ATP2B4: variants seen among roughly 807,000 people sequenced by gnomAD.
ATP2B4 encodes the protein ATPase plasma membrane Ca2+ transporting 4, also known as plasma membrane calcium-transporting ATPase 4.
Under a neutral mutation model 110.3 loss-of-function variants are expected in ATP2B4, and 39 were observed. That is an observed-to-expected ratio of 0.35 (90% CI 0.27 to 0.46). ATP2B4 has a LOEUF of 0.46. ATP2B4 is among the 20% of genes least tolerant of loss of function. The pLI is 1.00. For missense variants in ATP2B4, 1,135 were observed against 1,530.9 expected, an observed-to-expected ratio of 0.74 and a Z score of 4.32; for synonymous variants, 538 against 571.7, an observed-to-expected ratio of 0.94 and a Z score of 0.84.
intron 1 of ATP2B4, chr1:203,657,034 C>T: frequency 1.3e-6 from 1 of 775,868 alleles, no homozygotes; most frequent in South Asian, 1.5e-5. Context: ...AGCATATTTT[C>T]TCCAAATAAC....
intron 1 of ATP2B4, among the ~76,000 whole-genome samples, chr1:203,636,051 C>G (rs571455505): frequency 6.6e-6 from 1 of 152,332 alleles, no homozygotes; most frequent in Admixed American, 6.5e-5. Context: ...GCTGAGGGAA[C>G]CTGGGGACTG....
chr1:203,676,696 CATGAGACG>C (rs1347189288), intron 1 of ATP2B4, among the ~76,000 whole-genome samples: 3 of 152,118 alleles, frequency 2.0e-5, no homozygotes, highest in Non-Finnish European at 4.4e-5. Context: ...AGGCCAAGAG[CATGAGACG>C]ACTGAGTGGA....
chr1:203,727,592 C>G, intron 20 of ATP2B4, 21 bp downstream of exon 20: 3 of 1,611,500 alleles, frequency 1.9e-6, no homozygotes, highest in Non-Finnish European at 2.5e-6. Flanking sequence ...AGTGGTCTGT[C>G]CTTCCCTTGG....
chr1:203,627,083 G>GGCC lies in ATP2B4; in HGVS notation c.-601_-600insGCC, dbSNP rs1468687028. 8.5e-5 allele frequency: 13 copies of GGCC among 152,270 alleles called. No individual in the cohort carries two copies. Among genetic ancestry groups the GGCC allele is most frequent in the African/African-American group, 3.1e-4 (13 of 41,464 alleles). 9.4% of individuals were successfully genotyped at this position (152,270 alleles called of 1,614,324 possible). ...TCCCCGGCCTTAGCCAGAAAGGCAA[G>GGCC]AGAGCAAAGCCAGCGTCTCTAGCTT... On this transcript the variant is annotated 5_prime_UTR_variant, in exon 1 of 21. Coordinates refer to ENST00000357681, the MANE Select transcript of ATP2B4 (RefSeq NM_001684.5).
chr1:203,631,794 G>GTT (rs1558007069), intron 1 of ATP2B4, among the ~76,000 whole-genome samples: 1 of 152,128 alleles, frequency 6.6e-6, no homozygotes, highest in African/African-American at 2.4e-5. Context: ...ATTTTTGTTT[G>GTT]TTTGTTTGTT....
Position 203,699,848 on chromosome 1 carries a change from G to T in ATP2B4, c.649+131G>T, listed in dbSNP as rs548275433. On this transcript the variant is annotated intron_variant, in intron 4 of 20. Coordinates refer to ENST00000357681, the MANE Select transcript of ATP2B4 (RefSeq NM_001684.5). The stretch of plus-strand genomic sequence containing the variant: ...GATCCAAAATTGTATTCACTTCTAG[G>T]TTAGAGTTTAAAGAGGTTGTGGGAA... 2.1e-6 allele frequency: 3 copies of T among 1,451,168 alleles called. No homozygotes were observed. In the South Asian group the frequency reaches 4.1e-5, roughly 20 times the overall value. The allele number at this position is 1,451,168 out of a possible 1,614,324, so 89.9% of individuals were successfully genotyped here. A position where few individuals can be genotyped will look rare whatever the true frequency, so the allele number is the denominator to read the frequency against.
chr1:203,724,213 G>A (rs1416256250), intron 19 of ATP2B4, among the ~76,000 whole-genome samples: 1 of 152,116 alleles, frequency 6.6e-6, no homozygotes, highest in African/African-American at 2.4e-5. Flanking sequence ...ACTAAGCCTG[G>A]AGGTAGAAAA....
chr1:203,722,398 A>G, intron 17 of ATP2B4, 80 bp from the exon 18 acceptor site: 1 of 1,115,262 alleles, frequency 9.0e-7, no homozygotes, highest in Non-Finnish European at 1.4e-6. Flanking sequence ...GCCATAAGCA[A>G]GCAGTATATC....
chr1:203,648,091 C>T (rs555457398), intron 1 of ATP2B4, among the ~76,000 whole-genome samples: 1 of 152,072 alleles, frequency 6.6e-6, no homozygotes, highest in Non-Finnish European at 1.5e-5. Context: ...TAAATAAAGC[C>T]CCCTGTAAAT....
rs917796482 is a variant in ATP2B4 at position 203,683,412 on chromosome 1, C to G, written c.193+14C>G. 4 of 1,588,096 alleles carry G rather than the reference C, an allele frequency of 2.5e-6. No individual in the cohort carries two copies. The African/African-American group carries it at 5.4e-5, about 21-fold the overall frequency. ...CCCCTGTGGAAGGTAAAGGCCATATCAGGGGTGGGGAGTTGGAGGAAGGTG... is the reference window on the plus strand; with the variant it reads ...CCCCTGTGGAAGGTAAAGGCCATATGAGGGGTGGGGAGTTGGAGGAAGGTG... On this transcript the variant is annotated intron_variant, in intron 2 of 20. Coordinates refer to ENST00000357681, the MANE Select transcript of ATP2B4 (RefSeq NM_001684.5).
At chr1:203,660,924 AC>A (rs1664320665) in intron 1 of ATP2B4, among the ~76,000 whole-genome samples, 1 of 151,966 alleles carries the variant, frequency 6.6e-6, no homozygotes, top group Admixed American at 6.6e-5. Context: ...CAGCTTGGCA[AC>A]ATGGTGAAAC....
rs1267960141 is a variant in ATP2B4, at chr1:203,687,302, AAAAAG to A, written c.193+3917_193+3921del. Among the ~76,000 whole-genome samples the A allele has an allele frequency of 4.0e-3, 606 of 152,262 alleles. 2 individuals carry two copies. The highest frequency in any genetic ancestry group is 0.014 in the African/African-American group (564 of 41,558). ...GAAAAGAAAGGAAGAAAGAAAGAAA[AAAAAG>A]AAAAGAAAAGAAGATATAGAACAGC... On this transcript the variant is annotated intron_variant, in intron 2 of 20. Transcript: ENST00000357681.
intron 15 of ATP2B4, among the ~76,000 whole-genome samples, chr1:203,715,829 G>A (rs1390547464): frequency 6.9e-6 from 1 of 143,964 alleles, no homozygotes; most frequent in African/African-American, 2.5e-5. Flanking sequence ...CATCTGTTAA[G>A]TCTCTTAACC....
chr1:203,686,685 CTTTTTTTTTTTTTTTTT>C (rs779048789), intron 2 of ATP2B4, among the ~76,000 whole-genome samples: 1 of 42,776 alleles, frequency 2.3e-5, no homozygotes. Context: ...TCTTTTCTTT[CTTTTTTTTTTTTTTTTT>C]TTTTTTTTTA....
At chr1:203,725,904 C>CTTTTTTTTTTTT (rs756184004) in intron 19 of ATP2B4, among the ~76,000 whole-genome samples, 45 of 93,350 alleles carry the variant, frequency 4.8e-4, no homozygotes, top group Admixed American at 7.6e-4. Flanking sequence ...CTTTTCTTTT[C>CTTTTTTTTTTTT]TTTTTTTTTT....
intron 1 of ATP2B4, among the ~76,000 whole-genome samples, chr1:203,670,919 G>A (rs1664642869): frequency 6.6e-6 from 1 of 152,188 alleles, no homozygotes; most frequent in Non-Finnish European, 1.5e-5. Context: ...AGCCATGGTG[G>A]CATCTGGGAG....
chr1:203,637,435 CA>C (rs57493948), intron 1 of ATP2B4, among the ~76,000 whole-genome samples: 3,625 of 89,054 alleles, frequency 0.041, 34 homozygotes, highest in African/African-American at 0.077. Context: ...GACTCTGTCT[CA>C]AAAAAAAAAA....
At chr1:203,727,117 G>T (rs1666548119) in intron 19 of ATP2B4, among the ~76,000 whole-genome samples, 1 of 152,194 alleles carries the variant, frequency 6.6e-6, no homozygotes, top group African/African-American at 2.4e-5. Context: ...AGAGGAAAAT[G>T]AAGTATATGA....
intron 15 of ATP2B4, 140 bp downstream of exon 15, chr1:203,714,417 A>G (rs1666101566): frequency 9.2e-6 from 7 of 762,612 alleles, no homozygotes; most frequent in African/African-American, 3.4e-5. Flanking sequence ...TCTCCTATCT[A>G]CCGGGCCAAT....
Sources: gnomAD v4.1 joint callset for allele counts (sites outside exome capture counted in the v4.1 genomes callset) on GRCh38, gnomAD v4.1.1 for gene constraint, MANE v1.5 for transcripts, NCBI Gene and HGNC (gene_info 2026-07-23, HGNC 2026-07-21) for gene names.